Variants in DBF4B observed in about 807,000 individuals in gnomAD.
DBF4B encodes the protein protein DBF4 homolog B.
Under a neutral mutation model 53.4 loss-of-function variants are expected in DBF4B, and 49 were observed. That is an observed-to-expected ratio of 0.92 (90% CI 0.73 to 1.16). The LOEUF (loss-of-function observed/expected upper bound fraction) is 1.16. Among genes scored for constraint, DBF4B ranks in the 50% most tolerant of loss-of-function variants. DBF4B has a pLI of 0.00. For missense variants in DBF4B, 692 were observed against 775.0 expected (o/e 0.89, Z 1.27); for synonymous variants, 257 against 288.7 (o/e 0.89, Z 1.11).
chr17:44,732,055 C>G (rs1182881096), intron 5 of DBF4B, 123 bp from the exon 6 acceptor site: 1 of 838,084 alleles, frequency 1.2e-6, no homozygotes, highest in South Asian at 1.7e-5. Flanking sequence ...TCTCTCCTAC[C>G]TGCCTCCCTG....
Position 44,751,057 on chromosome 17 carries a change from G to A in DBF4B, c.1652G>A (p.Ser551Asn), listed in dbSNP as rs1275371155. ...LGYLYLLLTQ[S>N]LWCRVRVPSL... ...TACCTTTACCTGCTGCTCACACAAA[G>A]CCTGTGGTGCCGGGTTCGGGTGCCC... The change falls in exon 14 of 14, where the codon AGC becomes AAC. Residue 551 changes from serine to asparagine, a missense_variant. Ser to Asn is a conservative substitution (Grantham distance 46). This residue lies in a region of DBF4B where 597 missense variants were observed against 665.8 expected (regional missense o/e 0.90). Coordinates refer to ENST00000315005, the MANE Select transcript of DBF4B (RefSeq NM_145663.3). The A allele has an allele frequency of 6.2e-7, 1 of 1,614,124 alleles. No homozygotes were observed. The highest frequency in any genetic ancestry group is 1.3e-5 in the African/African-American group (1 of 75,006).
chr17:44,749,295 C>T lies in DBF4B; in HGVS notation c.1189+830C>T, dbSNP rs1210109143. ...AGCCCCAGCCCCAGCCCCATGCTGG[C>T]AGAGAGCTGCTCCTACGAGTCCCCA... On this transcript the variant is annotated intron_variant, in intron 13 of 13. Coordinates refer to ENST00000315005, the MANE Select transcript of DBF4B (RefSeq NM_145663.3). The surrounding 1 kb of genome is among the most constrained non-coding windows in gnomAD (Gnocchi z 4.4). The T allele has an allele frequency of 7.8e-7, 1 of 1,290,316 alleles. No homozygotes were observed. The highest frequency in any genetic ancestry group is 2.3e-5 in the Admixed American group (1 of 43,572). The allele number at this position is 1,290,316 out of a possible 1,614,324, so 79.9% of individuals were successfully genotyped here. A position where few individuals can be genotyped will look rare whatever the true frequency, so the allele number is the denominator to read the frequency against.
At chr17:44,740,037 CA>C (rs1483645908) in intron 9 of DBF4B, among the ~76,000 whole-genome samples, 2 of 152,184 alleles carry the variant, frequency 1.3e-5, no homozygotes, top group Non-Finnish European at 2.9e-5. Context: ...GCTGGAATTA[CA>C]GGTGGGAGCC....
chr17:44,715,764 A>G (rs1313912642), intron 2 of DBF4B, among the ~76,000 whole-genome samples: 4 of 68,318 alleles, frequency 5.9e-5, no homozygotes, highest in Non-Finnish European at 1.3e-4. Flanking sequence ...CATTATGTCT[A>G]TTTCCTCTTC....
chr17:44,728,849 C>A (rs1974579910), intron 3 of DBF4B, among the ~76,000 whole-genome samples: 1 of 151,796 alleles, frequency 6.6e-6, no homozygotes, highest in Admixed American at 6.6e-5. Context: ...GTAATCCCAA[C>A]ACTTTGGGAG....
intron 2 of DBF4B, among the ~76,000 whole-genome samples, chr17:44,711,055 G>A (rs1241095729): frequency 1.5e-5 from 2 of 137,574 alleles, no homozygotes; most frequent in South Asian, 4.7e-4. Context: ...GCACCATCTC[G>A]GCTCACTGCA....
chr17:44,747,382 C>T lies in DBF4B; in HGVS notation c.940-9C>T, dbSNP rs373644708. ...TCTAATGCCCTGTGCTCCTCTCCCC[C>T]GCCGGCAGCATCTTCAGAGTGCCCA... On this transcript the variant is annotated splice_polypyrimidine_tract_variant and intron_variant, in intron 11 of 13. Transcript: ENST00000315005. 46 of 1,613,552 alleles carry T rather than the reference C, an allele frequency of 2.9e-5. No homozygotes were observed. Among genetic ancestry groups the T allele is most frequent in the East Asian group, 6.7e-5 (3 of 44,848 alleles).
At chr17:44,717,991 A>T (rs1229602452) in intron 2 of DBF4B, among the ~76,000 whole-genome samples, 3 of 152,004 alleles carry the variant, frequency 2.0e-5, no homozygotes, top group Non-Finnish European at 4.4e-5. Flanking sequence ...ACACCACTGC[A>T]CTCTAGCCTG....
At chr17:44,720,913 C>T (rs1973774897) in intron 2 of DBF4B, among the ~76,000 whole-genome samples, 1 of 151,388 alleles carries the variant, frequency 6.6e-6, no homozygotes, top group Non-Finnish European at 1.5e-5. Flanking sequence ...GGCTTGAATG[C>T]AGTAGTGTAA....
intron 2 of DBF4B, chr17:44,719,266 AT>A (rs1011842307): frequency 1.0e-4 from 15 of 148,354 alleles, no homozygotes; most frequent in Non-Finnish European, 1.5e-4. Flanking sequence ...CGCCTGTCCT[AT>A]TTTTTTTTTC....
At chr17:44,717,262 C>T (rs1973409289) in intron 2 of DBF4B, among the ~76,000 whole-genome samples, 1 of 152,122 alleles carries the variant, frequency 6.6e-6, no homozygotes, top group African/African-American at 2.4e-5. Flanking sequence ...TCACACTGTT[C>T]TATTTAGCTC....
rs557125303 is a variant in DBF4B, at chr17:44,748,790, A to C, written c.1189+325A>C. 2.4e-4 allele frequency: 316 copies of C among 1,307,746 alleles called. 2 individuals are homozygous for C. The Admixed American group carries it at 7.1e-3, about 29-fold the overall frequency. The allele number at this position is 1,307,746 out of a possible 1,614,324, so 81.0% of individuals were successfully genotyped here. ...TCATTTTTTGTCCCAATAGCCCCCA[A>C]CCCCTGCGGCACCAGGACAACTAGT... On this transcript the variant is annotated intron_variant, in intron 13 of 13. Coordinates refer to ENST00000315005, the MANE Select transcript of DBF4B (RefSeq NM_145663.3).
At position 44,751,338 on chromosome 17, in the gene DBF4B, G is replaced by T; in HGVS notation, c.*85G>T. 1 of 1,507,984 alleles carries T rather than the reference G, an allele frequency of 6.6e-7. No individual in the cohort carries two copies. Among genetic ancestry groups the T allele is most frequent in the Non-Finnish European group, 8.8e-7 (1 of 1,132,098 alleles). The allele number at this position is 1,507,984 out of a possible 1,614,324, so 93.4% of individuals were successfully genotyped here. A position where few individuals can be genotyped will look rare whatever the true frequency, so the allele number is the denominator to read the frequency against. Reference sequence around the variant, plus strand: ...TGAGGTCCCGCAGTGGCTCCTTGGCGTGAGCACTGCTCAGACTCCTTTCCA... The same window carrying T: ...TGAGGTCCCGCAGTGGCTCCTTGGCTTGAGCACTGCTCAGACTCCTTTCCA... On this transcript the variant is annotated 3_prime_UTR_variant, in exon 14 of 14. Transcript: ENST00000315005.
At chr17:44,710,762 G>A (rs1486413757) in intron 2 of DBF4B, among the ~76,000 whole-genome samples, 3 of 151,774 alleles carry the variant, frequency 2.0e-5, no homozygotes, top group Admixed American at 6.6e-5. Flanking sequence ...TTGTAGAGAC[G>A]AGGTTTTGCC....
rs143524951 is a variant in DBF4B, at chr17:44,739,253, A to C, written c.713+829A>C. Among the ~76,000 whole-genome samples, 651 of 152,376 alleles carry C rather than the reference A, an allele frequency of 4.3e-3. 7 individuals carry two copies. The highest frequency in any genetic ancestry group is 0.015 in the African/African-American group (628 of 41,586). ...TATGTGAATCTATAATTATCTCAAA[A>C]TTTAAATTTTTGTTTTTAATATTTT... On this transcript the variant is annotated intron_variant, in intron 9 of 13. Transcript: ENST00000315005.
rs775979625 is a variant in DBF4B, at chr17:44,730,069, C to T, written c.390C>T (p.Pro130=). 3 of 1,612,578 alleles carry T rather than the reference C, an allele frequency of 1.9e-6. 1 individual carries two copies. The South Asian group carries it at 3.3e-5, about 18-fold the overall frequency. ...SAMVDPKGSH[P]RPSRKPVDSV... The stretch of plus-strand genomic sequence containing the variant: ...TGGTTGATCCAAAAGGCAGCCACCC[C>T]AGGCCTTCACGGAAACCCGTTGACT... The change falls in exon 4 of 14, where the codon CCC becomes CCT. Residue 130 remains proline, a synonymous_variant. Transcript: ENST00000315005.
In DBF4B at chr17:44,732,201, T is replaced by C; in HGVS notation, c.492T>C (p.Ser164=). ...RNQGSISGGG[S]GGSSSLLTNA... ...AGGGGAGCATCAGTGGAGGAGGCAG[T>C]GGGGGCAGCAGCAGCCTCCTGACCA... The change falls in exon 6 of 14, where the codon AGT becomes AGC. Residue 164 remains serine (S), a synonymous_variant. Coordinates refer to ENST00000315005, the MANE Select transcript of DBF4B (RefSeq NM_145663.3). 6.2e-7 allele frequency: 1 copy of C among 1,614,010 alleles called. No individual in the cohort carries two copies. The highest frequency in any genetic ancestry group is 1.1e-5 in the South Asian group (1 of 91,060).
chr17:44,733,907 A>T, intron 6 of DBF4B, 183 bp from the exon 7 acceptor site: 1 of 596,202 alleles, frequency 1.7e-6, no homozygotes, highest in Non-Finnish European at 3.0e-6. Context: ...GGGATAGAGG[A>T]CCCAGTCCTT....
chr17:44,728,238 C>T (rs1463002031), intron 3 of DBF4B, among the ~76,000 whole-genome samples: 2 of 152,106 alleles, frequency 1.3e-5, no homozygotes, highest in East Asian at 3.8e-4. Flanking sequence ...CTCAAGGCCA[C>T]CTTCCCAGAA....
Sources: gnomAD v4.1 joint callset for allele counts (sites outside exome capture counted in the v4.1 genomes callset) on GRCh38, gnomAD v4.1.1 for gene constraint, gnomAD v4.1.1 regional missense constraint, Gnocchi (gnomAD v3.1) non-coding constraint, MANE v1.5 for transcripts, NCBI Gene and HGNC (gene_info 2026-07-23, HGNC 2026-07-21) for gene names.